RBM44: variants seen among roughly 807,000 people sequenced by gnomAD.
RBM44 encodes the protein RNA-binding protein 44.
Under a neutral mutation model 105.1 loss-of-function variants are expected in RBM44, and 66 were observed. The ratio of observed to expected loss-of-function variants is 0.63; its 90% CI spans 0.52 to 0.77. RBM44 has a LOEUF of 0.77. RBM44 is among the 30% of genes least tolerant of loss of function. The pLI is 0.00. For synonymous variants in RBM44, 365 were observed against 417.6 expected (o/e 0.87, Z 1.54); for missense variants, 1,122 against 1,207.8 (o/e 0.93, Z 1.05).
At chr2:237,830,714 A>G (rs966594967) in intron 13 of RBM44, among the ~76,000 whole-genome samples, 4 of 152,156 alleles carry the variant, frequency 2.6e-5, no homozygotes, top group Non-Finnish European at 5.9e-5. Context: ...TCAATTGACC[A>G]TGTTTGTGTG....
At position 237,802,318 on chromosome 2, in the gene RBM44, T is replaced by C. The variant is rs1019479524; in HGVS notation, c.-19+3457T>C. The stretch of plus-strand genomic sequence containing the variant: ...GATCAGCAGCAGCATTAGATTCTCA[T>C]AGGAACTCAAACCCTGTTGTGAACT... On this transcript the variant is annotated intron_variant, in intron 1 of 15. Coordinates refer to ENST00000316997, the MANE Select transcript of RBM44 (RefSeq NM_001080504.3). Among the ~76,000 whole-genome samples the C allele has an allele frequency of 1.6e-4, 24 of 152,294 alleles. No homozygotes were observed. In the East Asian group the frequency reaches 4.1e-3, roughly 26 times the overall value.
chr2:237,828,195 C>T (rs749872751), intron 12 of RBM44, among the ~76,000 whole-genome samples: 13 of 151,920 alleles, frequency 8.6e-5, no homozygotes, highest in Non-Finnish European at 1.8e-4. Context: ...ATAACAATGG[C>T]GATAGCTTAA....
At chr2:237,830,643 C>A (rs1436014365) in intron 13 of RBM44, among the ~76,000 whole-genome samples, 3 of 152,118 alleles carry the variant, frequency 2.0e-5, no homozygotes, top group African/African-American at 7.2e-5. Flanking sequence ...ATAGTTCCAG[C>A]ATCATTTGTT....
rs1419486877 is a variant in RBM44 at position 237,842,634 on chromosome 2, TA to T, written c.*819del. On this transcript the variant is annotated 3_prime_UTR_variant, in exon 16 of 16. Transcript: ENST00000316997. Reference sequence around the variant, plus strand: ...TGCTTACTTTTTAAAAGTAATATAATATTTAAGTTGCATTTTTATTAATAGT... The same window carrying T: ...TGCTTACTTTTTAAAAGTAATATAATTTTAAGTTGCATTTTTATTAATAGT... 3 of 152,098 alleles carry T rather than the reference TA, an allele frequency of 2.0e-5. No individual in the cohort carries two copies. The highest frequency in any genetic ancestry group is 7.2e-5 in the African/African-American group (3 of 41,450). The allele number at this position is 152,098 out of a possible 1,614,324, so 9.4% of individuals were successfully genotyped here. A position where few individuals can be genotyped will look rare whatever the true frequency, so the allele number is the denominator to read the frequency against.
chr2:237,832,532 C>T (rs989485022), intron 13 of RBM44, among the ~76,000 whole-genome samples: 13 of 152,178 alleles, frequency 8.5e-5, no homozygotes, highest in African/African-American at 3.1e-4. Flanking sequence ...CAGCAACACT[C>T]TTGGTCCTGT....
At chr2:237,822,547 G>A (rs1370791945) in intron 8 of RBM44, among the ~76,000 whole-genome samples, 1 of 152,014 alleles carries the variant, frequency 6.6e-6, no homozygotes, top group Non-Finnish European at 1.5e-5. Flanking sequence ...GAATTCCAAA[G>A]TTAAAAGTGA....
Position 237,821,168 on chromosome 2 carries a change from A to G in RBM44, c.2011A>G (p.Ile671Val). The G allele has an allele frequency of 6.2e-7, 1 of 1,611,592 alleles. No individual in the cohort carries two copies. Residue 671 changes from isoleucine (I) to valine (V), a missense_variant, in exon 6 of 16, where the codon ATA becomes GTA. By Grantham distance (29) the Ile-to-Val change is conservative. Coordinates refer to ENST00000316997, the MANE Select transcript of RBM44 (RefSeq NM_001080504.3). ...TAGATATGTGACTTTGAAAGAAAAA[A>G]TACACAAAGGCATACCACTGGAAGA... ...KVRYVTLKEK[I>V]HKGIPLEELP...
In RBM44 at chr2:237,820,177, A is replaced by G; in HGVS notation, c.1739A>G (p.Glu580Gly). The G allele has an allele frequency of 6.7e-7, 1 of 1,500,954 alleles. No individual in the cohort carries two copies. Among genetic ancestry groups the G allele is most frequent in the Non-Finnish European group, 8.9e-7 (1 of 1,119,482 alleles). 93.0% of individuals were successfully genotyped at this position (1,500,954 alleles called of 1,614,324 possible). A position where few individuals can be genotyped will look rare whatever the true frequency, so the allele number is the denominator to read the frequency against. The change falls in exon 5 of 16, where the codon GAA becomes GGA. Residue 580 changes from glutamate to glycine, a missense_variant and splice_region_variant. This residue lies in a region of RBM44 where 918 missense variants were observed against 955.3 expected (regional missense o/e 0.96). Coordinates refer to ENST00000316997, the MANE Select transcript of RBM44 (RefSeq NM_001080504.3). ...GATCCTATCTTTTATTTTTAAAGGG[A>G]ATTTCAACTTTTTAAAGATACAGAG... ...ITDLKKHPEREFQLFKDTEKD... is the reference protein window; with the variant it reads ...ITDLKKHPERGFQLFKDTEKD...
At position 237,803,316 on chromosome 2, in the gene RBM44, CACAT is replaced by C. The variant is rs2061565027; in HGVS notation, c.-19+4458_-19+4461del. 1.3e-5 allele frequency among the ~76,000 whole-genome samples: 2 copies of C among 151,460 alleles called. No individual in the cohort carries two copies. Among genetic ancestry groups the C allele is most frequent in the Admixed American group, 6.6e-5 (1 of 15,244 alleles). On this transcript the variant is annotated intron_variant, in intron 1 of 15. Coordinates refer to ENST00000316997, the MANE Select transcript of RBM44 (RefSeq NM_001080504.3). The surrounding 1 kb of genome is among the most constrained non-coding windows in gnomAD (Gnocchi z 4.2). ...TGACAGAGCGAGACACACACACACA[CACAT>C]ACTCTCTCTCTCACACACACACACA... is the stretch of plus-strand genomic sequence containing the variant.
chr2:237,829,580 T>A, intron 13 of RBM44, 78 bp downstream of exon 13: 1 of 1,247,870 alleles, frequency 8.0e-7, no homozygotes, highest in South Asian at 1.5e-5. Flanking sequence ...ATAAATAACT[T>A]CAATATGCAG....
Position 237,817,182 on chromosome 2 carries a change from A to G in RBM44, c.263A>G (p.Asn88Ser). The change falls in exon 3 of 16, where the codon AAC (asparagine) becomes AGC (serine). Residue 88 changes from asparagine to serine, a missense_variant. By Grantham distance (46) the Asn-to-Ser change is conservative. Around this residue, in one of 3 missense-constraint regions of RBM44, gnomAD observed 918 missense variants for 955.3 expected, o/e 0.96. Coordinates refer to ENST00000316997, the MANE Select transcript of RBM44 (RefSeq NM_001080504.3). ...EPFFSVSQDT[N>S]TESTQFQSSE... ...TTTTTTTCAGTGAGTCAAGATACTA[A>G]CACAGAGAGTACTCAGTTTCAGTCA... 1 of 1,603,844 alleles carries G rather than the reference A, an allele frequency of 6.2e-7. No homozygotes were observed. The highest frequency in any genetic ancestry group is 8.5e-7 in the Non-Finnish European group (1 of 1,175,832).
chr2:237,805,434 C>A (rs1026276170), intron 1 of RBM44, among the ~76,000 whole-genome samples: 3 of 152,146 alleles, frequency 2.0e-5, no homozygotes, highest in Non-Finnish European at 4.4e-5. Flanking sequence ...ACAGATTCAA[C>A]ACTATTCCTA....
intron 1 of RBM44, 95 bp from the exon 2 acceptor site, chr2:237,813,497 G>A (rs1229773240): frequency 6.2e-6 from 4 of 640,136 alleles, no homozygotes; most frequent in Non-Finnish European, 1.0e-5. Flanking sequence ...ATGTTCCTTG[G>A]AAATTTTAAA....
chr2:237,815,655 A>T (rs1052985487), intron 2 of RBM44, among the ~76,000 whole-genome samples: 1 of 152,100 alleles, frequency 6.6e-6, no homozygotes, highest in Non-Finnish European at 1.5e-5. Flanking sequence ...TTACTTATAC[A>T]CATACATATA....
intron 10 of RBM44, among the ~76,000 whole-genome samples, chr2:237,826,544 AG>A (rs2150985003): frequency 6.6e-6 from 1 of 152,252 alleles, no homozygotes; most frequent in Admixed American, 6.5e-5. Context: ...CCCAATTAAA[AG>A]GTTTTCTTGG....
rs77063885 is a variant in RBM44, at chr2:237,817,478, G to A, written c.559G>A (p.Glu187Lys). 3.1e-6 allele frequency: 5 copies of A among 1,603,366 alleles called. No individual in the cohort carries two copies. Among genetic ancestry groups the A allele is most frequent in the African/African-American group, 2.7e-5 (2 of 74,832 alleles). ...KHDTDEDSQQ[E>K]YHSAEEQEYI... ...TGATACAGATGAAGACTCACAGCAG[G>A]AATATCACAGTGCAGAAGAACAAGA... is the stretch of plus-strand genomic sequence containing the variant. The change falls in exon 3 of 16, where the codon GAA (glutamate) becomes AAA (lysine). Residue 187 changes from glutamate to lysine, a missense_variant. Glu to Lys is a moderately conservative substitution (Grantham distance 56). This residue lies in a region of RBM44 where 918 missense variants were observed against 955.3 expected (regional missense o/e 0.96). Coordinates refer to ENST00000316997, the MANE Select transcript of RBM44 (RefSeq NM_001080504.3).
At chr2:237,829,094 C>T in intron 12 of RBM44, 123 bp from the exon 13 acceptor site, 1 of 669,474 alleles carries the variant, frequency 1.5e-6, no homozygotes, top group Non-Finnish European at 2.5e-6. Context: ...AGTACAGCAA[C>T]CTTTTTATTT....
intron 15 of RBM44, among the ~76,000 whole-genome samples, chr2:237,840,291 G>A (rs912144594): frequency 1.3e-4 from 20 of 149,772 alleles, no homozygotes; most frequent in Admixed American, 1.3e-4. Flanking sequence ...GATCTTCAAC[G>A]AAGTCAACAA....
chr2:237,829,893 G>C (rs528179298), intron 13 of RBM44, among the ~76,000 whole-genome samples: 8 of 151,880 alleles, frequency 5.3e-5, no homozygotes, highest in Non-Finnish European at 1.2e-4. Flanking sequence ...CTCTCTTATG[G>C]AGGTAAACAC....
Sources: allele counts gnomAD v4.1 joint callset (sites outside exome capture counted in the v4.1 genomes callset), GRCh38; gene constraint gnomAD v4.1.1; regional missense constraint gnomAD v4.1.1; non-coding constraint Gnocchi (gnomAD v3.1); transcripts MANE v1.5; gene names NCBI Gene and HGNC (gene_info 2026-07-23, HGNC 2026-07-21).